Variants in OSBP2 observed in about 807,000 individuals in gnomAD.
OSBP2 encodes oxysterol-binding protein 2.
OSBP2 carries 66 observed loss-of-function variants against 96.0 expected under a neutral mutation model. The ratio of observed to expected loss-of-function variants is 0.69; its 90% CI spans 0.56 to 0.84. OSBP2 has a LOEUF of 0.84. Among genes scored for constraint, OSBP2 ranks in the 40% least tolerant of loss-of-function variants. The pLI is 0.00. For missense variants in OSBP2, 1,038 were observed against 1,222.7 expected (o/e 0.85, Z 2.25); for synonymous variants, 525 against 520.9 (o/e 1.01, Z -0.11).
At chr22:30,824,378 C>T (rs1050486709) in intron 2 of OSBP2, among the ~76,000 whole-genome samples, 11 of 152,144 alleles carry the variant, frequency 7.2e-5, no homozygotes, top group Non-Finnish European at 2.9e-5. Context: ...AGCCAGAACT[C>T]AGCTACCATG....
At chr22:30,790,487 T>G (rs1015882508) in intron 2 of OSBP2, among the ~76,000 whole-genome samples, 4 of 151,924 alleles carry the variant, frequency 2.6e-5, no homozygotes, top group Non-Finnish European at 4.4e-5. Context: ...AGACTTCAGT[T>G]TGGTAGCTGC....
chr22:30,695,332 A>C lies in OSBP2; in HGVS notation c.423A>C (p.Ser141=). 1 of 1,613,668 alleles carries C rather than the reference A, an allele frequency of 6.2e-7. No homozygotes were observed. The highest frequency in any genetic ancestry group is 8.5e-7 in the Non-Finnish European group (1 of 1,180,040). ...GCGCGACCTTTCTCAGACCCGAGTC[A>C]GGATCGCTGCCAGCGTTAAAGCCCC... ...VGSATFLRPE[S]GSLPALKPLP... Residue 141 remains serine (S), a synonymous_variant, in exon 1 of 14, where the codon TCA becomes TCC. Coordinates refer to ENST00000332585, the MANE Select transcript of OSBP2 (RefSeq NM_030758.4).
At chr22:30,730,766 CTCTCTCTCTATATATATA>C (rs2089751172) in intron 1 of OSBP2, among the ~76,000 whole-genome samples, 1 of 36,892 alleles carries the variant, frequency 2.7e-5, no homozygotes, top group East Asian at 9.1e-4. Flanking sequence ...CTCTCTCTCT[CTCTCTCTCTATATATATA>C]TATATATATA....
chr22:30,881,040 C>T lies in OSBP2; in HGVS notation c.1108-6386C>T, dbSNP rs1232520989. Among the ~76,000 whole-genome samples, 4 of 152,152 alleles carry T rather than the reference C, an allele frequency of 2.6e-5. No homozygotes were observed. Among genetic ancestry groups the T allele is most frequent in the African/African-American group, 9.7e-5 (4 of 41,418 alleles). On this transcript the variant is annotated intron_variant, in intron 3 of 13. Transcript: ENST00000332585. The surrounding 1 kb of genome is among the most constrained non-coding windows in gnomAD (Gnocchi z 4.5). ...CAGGGCGGAGACCCCCCTTGTCTGT[C>T]GAGCTTTGTGGTTCTCACTCTGCTT... is the stretch of plus-strand genomic sequence containing the variant.
chr22:30,864,982 C>A (rs560410417), intron 2 of OSBP2, among the ~76,000 whole-genome samples: 1 of 152,332 alleles, frequency 6.6e-6, no homozygotes, highest in Non-Finnish European at 1.5e-5. Context: ...CAGTCCATAA[C>A]CAGCCTATGC....
At chr22:30,838,353 A>G (rs1038773033) in intron 2 of OSBP2, among the ~76,000 whole-genome samples, 3 of 152,256 alleles carry the variant, frequency 2.0e-5, no homozygotes, top group East Asian at 3.8e-4. Context: ...GATAAGAACC[A>G]GGTCTGATTC....
chr22:30,822,640 C>T, intron 2 of OSBP2: 1 of 1,533,050 alleles, frequency 6.5e-7, no homozygotes, highest in South Asian at 1.2e-5. Context: ...AATGAAGGGA[C>T]GCGGCTGCTG....
chr22:30,744,207 CCT>C (rs1233910373), intron 2 of OSBP2, among the ~76,000 whole-genome samples: 1 of 152,168 alleles, frequency 6.6e-6, no homozygotes, highest in Non-Finnish European at 1.5e-5. Context: ...GCAAGGTCCT[CCT>C]CTCTAAGCTC....
At chr22:30,713,069 C>T (rs968056548) in intron 1 of OSBP2, among the ~76,000 whole-genome samples, 4 of 134,398 alleles carry the variant, frequency 3.0e-5, no homozygotes, top group African/African-American at 5.6e-5. Flanking sequence ...TGCATCACCA[C>T]ACTTGGCTAA....
intron 1 of OSBP2, among the ~76,000 whole-genome samples, chr22:30,696,820 AT>A (rs888993841): frequency 1.3e-4 from 19 of 149,032 alleles, no homozygotes; most frequent in Admixed American, 3.4e-4. Context: ...TGCCCGGCTA[AT>A]TTTTTTTTTG....
At chr22:30,840,812 G>GTT (rs112395064) in intron 2 of OSBP2, among the ~76,000 whole-genome samples, 93 of 146,624 alleles carry the variant, frequency 6.3e-4, no homozygotes, top group South Asian at 5.9e-3. Context: ...TAGTTTTAGT[G>GTT]TTTTTTTTTT....
At chr22:30,744,115 C>G (rs536170920) in intron 2 of OSBP2, among the ~76,000 whole-genome samples, 1 of 152,162 alleles carries the variant, frequency 6.6e-6, no homozygotes, top group Non-Finnish European at 1.5e-5. Context: ...AGCCTTCAGA[C>G]GGCTACTCTG....
chr22:30,870,344 C>T lies in OSBP2; in HGVS notation c.854-85C>T. 7.1e-7 allele frequency: 1 copy of T among 1,418,198 alleles called. No homozygotes were observed. The highest frequency in any genetic ancestry group is 9.8e-7 in the Non-Finnish European group (1 of 1,023,998). 87.9% of individuals were successfully genotyped at this position (1,418,198 alleles called of 1,614,324 possible). ...GATGTTTTTTGAATGGCGCTATCCA[C>T]CCTGCCCTGCTCGGCCTGGCTGTGC... On this transcript the variant is annotated intron_variant, in intron 2 of 13. Coordinates refer to ENST00000332585, the MANE Select transcript of OSBP2 (RefSeq NM_030758.4). The surrounding 1 kb of genome is among the most constrained non-coding windows in gnomAD (Gnocchi z 4.1).
intron 1 of OSBP2, among the ~76,000 whole-genome samples, chr22:30,707,312 G>A (rs1352684519): frequency 6.6e-6 from 1 of 152,076 alleles, no homozygotes; most frequent in African/African-American, 2.4e-5. Flanking sequence ...GGCCAGGATG[G>A]TCTTGATCTC....
intron 2 of OSBP2, among the ~76,000 whole-genome samples, chr22:30,818,298 C>T (rs183697275): frequency 1.4e-3 from 212 of 151,760 alleles, no homozygotes; most frequent in African/African-American, 4.6e-3. Context: ...TTTTTTAGCA[C>T]GGTTTATTTC....
chr22:30,811,548 T>C (rs2091006986), intron 2 of OSBP2, among the ~76,000 whole-genome samples: 1 of 151,578 alleles, frequency 6.6e-6, no homozygotes, highest in African/African-American at 2.4e-5. Flanking sequence ...TATTTATTTA[T>C]TTGTTTGTTT....
At chr22:30,720,280 T>C (rs1225277683) in intron 1 of OSBP2, among the ~76,000 whole-genome samples, 1 of 152,134 alleles carries the variant, frequency 6.6e-6, no homozygotes, top group Non-Finnish European at 1.5e-5. Context: ...CTATGGGTGA[T>C]TAATTGGGGT....
At chr22:30,855,730 G>A (rs983369638) in intron 2 of OSBP2, among the ~76,000 whole-genome samples, 4 of 152,136 alleles carry the variant, frequency 2.6e-5, no homozygotes, top group Admixed American at 6.5e-5. Flanking sequence ...CAGAAAGTTC[G>A]CAGCCACAGG....
chr22:30,808,679 G>A (rs1370140784), intron 2 of OSBP2, among the ~76,000 whole-genome samples: 2 of 152,206 alleles, frequency 1.3e-5, no homozygotes, highest in African/African-American at 2.4e-5. Context: ...CTTATGCCGG[G>A]CGTGGTGGCT....
Sources: allele counts gnomAD v4.1 joint callset (sites outside exome capture counted in the v4.1 genomes callset), GRCh38; gene constraint gnomAD v4.1.1; non-coding constraint Gnocchi (gnomAD v3.1); transcripts MANE v1.5; gene names NCBI Gene and HGNC (gene_info 2026-07-23, HGNC 2026-07-21).